The following SDK1 variants were observed in gnomAD, a reference collection of about 807,000 sequenced individuals.
SDK1 encodes sidekick cell adhesion molecule 1, also known as protein sidekick-1.
Under a neutral mutation model 245.5 loss-of-function variants are expected in SDK1, and 157 were observed. The observed-to-expected ratio is 0.64, with a 90% confidence interval of 0.56 to 0.73. The LOEUF (loss-of-function observed/expected upper bound fraction) is 0.73. SDK1 is among the 30% of genes least tolerant of loss of function. The pLI, the probability that SDK1 is intolerant of heterozygous loss-of-function variation, is 0.00. For synonymous variants in SDK1, 1,647 were observed against 1,278.5 expected (o/e 1.29, Z -6.15); for missense variants, 3,583 against 3,002.3 (o/e 1.19, Z -4.52).
intron 5 of SDK1, among the ~76,000 whole-genome samples, chr7:3,858,650 A>G (rs1245136743): frequency 1.3e-5 from 2 of 151,890 alleles, no homozygotes; most frequent in Non-Finnish European, 2.9e-5. Flanking sequence ...GTATATCTGT[A>G]CCATCCTTCT....
Position 3,880,196 on chromosome 7 carries a change from G to A in SDK1, c.847+58613G>A, listed in dbSNP as rs147307065. 1.7e-3 allele frequency among the ~76,000 whole-genome samples: 265 copies of A among 152,286 alleles called. 2 individuals are homozygous for A. The highest frequency in any genetic ancestry group is 6.2e-3 in the African/African-American group (256 of 41,554). ...GGAGATGGATGCGTTCTGCAACTTC[G>A]GGATGGCCAGGTGGGCCTTCATTGC... On this transcript the variant is annotated intron_variant, in intron 5 of 44. Transcript: ENST00000404826.
chr7:4,145,063 C>G (rs1483804082), intron 28 of SDK1, among the ~76,000 whole-genome samples: 1 of 152,158 alleles, frequency 6.6e-6, no homozygotes, highest in East Asian at 1.9e-4. Context: ...CAACCCCAAG[C>G]CCCTCCCAGC....
At chr7:3,783,904 G>C (rs1264853127) in intron 4 of SDK1, among the ~76,000 whole-genome samples, 1 of 150,546 alleles carries the variant, frequency 6.6e-6, no homozygotes. Flanking sequence ...AGGCAATCAT[G>C]AGCAAAAGAA....
chr7:3,302,608 C>T (rs992188762), intron 1 of SDK1, among the ~76,000 whole-genome samples: 1 of 151,976 alleles, frequency 6.6e-6, no homozygotes, highest in African/African-American at 2.4e-5. Context: ...CTGGGCTTCC[C>T]TCCACCCCCT....
At position 3,975,912 on chromosome 7, in the gene SDK1, GGTCCTCC is replaced by G. The variant is rs1562604491; in HGVS notation, c.1994+1368_1994+1374del. 8.6e-4 allele frequency among the ~76,000 whole-genome samples: 127 copies of G among 147,978 alleles called. 1 individual carries two copies. The highest frequency in any genetic ancestry group is 3.0e-3 in the African/African-American group (118 of 39,998). On this transcript the variant is annotated intron_variant, in intron 13 of 44. Coordinates refer to ENST00000404826, the MANE Select transcript of SDK1 (RefSeq NM_152744.4). ...GCAGCTGCAAAGCTGCCACGTAGAG[GGTCCTCC>G]AGAGAATCACTGAGGGTCCCGGGGC...
rs1787396315 is a variant in SDK1, at chr7:4,026,908, G to C, written c.2602+9556G>C. On this transcript the variant is annotated intron_variant, in intron 17 of 44. Transcript: ENST00000404826. The surrounding 1 kb of genome is among the most constrained non-coding windows in gnomAD (Gnocchi z 4.1). ...AACTCACCGCTCCCTGGTTTCAAAG[G>C]CGTATACATTTAATTCTATGTGGTA... Among the ~76,000 whole-genome samples, 2 of 152,182 alleles carry C rather than the reference G, an allele frequency of 1.3e-5. No homozygotes were observed. Among genetic ancestry groups the C allele is most frequent in the Non-Finnish European group, 2.9e-5 (2 of 68,044 alleles).
intron 4 of SDK1, among the ~76,000 whole-genome samples, chr7:3,818,087 C>A (rs1032738722): frequency 6.6e-6 from 1 of 152,190 alleles, no homozygotes; most frequent in African/African-American, 2.4e-5. Context: ...ATTTTTGTTC[C>A]TCTTCTCTTT....
chr7:3,392,437 T>C (rs1357965397), intron 1 of SDK1, among the ~76,000 whole-genome samples: 1 of 152,156 alleles, frequency 6.6e-6, no homozygotes, highest in East Asian at 1.9e-4. Context: ...TATACTTTTA[T>C]GGTGGTAAAA....
chr7:3,423,377 A>T (rs971347897), intron 1 of SDK1, among the ~76,000 whole-genome samples: 1 of 152,254 alleles, frequency 6.6e-6, no homozygotes, highest in Non-Finnish European at 1.5e-5. Context: ...ACTTTTGAGC[A>T]GATTGGCTGA....
intron 4 of SDK1, among the ~76,000 whole-genome samples, chr7:3,804,116 G>T (rs1200144788): frequency 2.0e-5 from 3 of 152,102 alleles, no homozygotes; most frequent in Non-Finnish European, 4.4e-5. Context: ...TAATGTTGAT[G>T]AAGTCCAATT....
intron 9 of SDK1, among the ~76,000 whole-genome samples, chr7:3,966,543 T>G (rs2128131308): frequency 6.6e-6 from 1 of 152,242 alleles, no homozygotes; most frequent in Middle Eastern, 3.4e-3. Flanking sequence ...AACCCAGCAC[T>G]TGGGGATCAT....
chr7:4,170,481 C>T (rs1369542193), intron 32 of SDK1, among the ~76,000 whole-genome samples: 1 of 152,052 alleles, frequency 6.6e-6, no homozygotes, highest in African/African-American at 2.4e-5. Context: ...CCTGGAACCC[C>T]CTTGTGTGGT....
chr7:3,849,421 A>G (rs187740138), intron 5 of SDK1, among the ~76,000 whole-genome samples: 91 of 152,332 alleles, frequency 6.0e-4, no homozygotes, highest in Non-Finnish European at 1.1e-3. Context: ...TGGAATTTGT[A>G]TAGTTTCTAA....
At chr7:3,744,078 C>G (rs1366827616) in intron 4 of SDK1, among the ~76,000 whole-genome samples, 1 of 152,126 alleles carries the variant, frequency 6.6e-6, no homozygotes, top group Non-Finnish European at 1.5e-5. Context: ...ATTTCAATAG[C>G]CTCCTAGTTT....
chr7:4,133,807 C>T (rs1448743076), intron 28 of SDK1, among the ~76,000 whole-genome samples: 1 of 152,148 alleles, frequency 6.6e-6, no homozygotes, highest in Non-Finnish European at 1.5e-5. Flanking sequence ...GGTTAGCTCT[C>T]GGGATATTGC....
chr7:3,407,077 C>T (rs1390767399), intron 1 of SDK1, among the ~76,000 whole-genome samples: 2 of 152,100 alleles, frequency 1.3e-5, no homozygotes, highest in East Asian at 1.9e-4. Flanking sequence ...CTCTGTCTCT[C>T]CCTTACTAGG....
chr7:3,816,273 C>T (rs1012493567), intron 4 of SDK1, among the ~76,000 whole-genome samples: 1 of 151,810 alleles, frequency 6.6e-6, no homozygotes, highest in African/African-American at 2.4e-5. Flanking sequence ...AAGAGAGACA[C>T]AAAAAACCCT....
At chr7:4,093,316 G>A (rs1175480620) in intron 22 of SDK1, among the ~76,000 whole-genome samples, 2 of 151,958 alleles carry the variant, frequency 1.3e-5, no homozygotes, top group African/African-American at 4.8e-5. Flanking sequence ...CCTGCCATTC[G>A]CAGCCATTTG....
At chr7:4,247,771 A>C (rs757896208) in intron 44 of SDK1, among the ~76,000 whole-genome samples, 1 of 152,136 alleles carries the variant, frequency 6.6e-6, no homozygotes, top group Non-Finnish European at 1.5e-5. Flanking sequence ...CAGCCCCATG[A>C]GGTGGGGCCA....
Sources: allele counts gnomAD v4.1 joint callset (sites outside exome capture counted in the v4.1 genomes callset), GRCh38; gene constraint gnomAD v4.1.1; non-coding constraint Gnocchi (gnomAD v3.1); transcripts MANE v1.5; gene names NCBI Gene and HGNC (gene_info 2026-07-23, HGNC 2026-07-21).